The following PIEZO2 variants were observed in gnomAD, a reference collection of about 807,000 sequenced individuals.
PIEZO2 encodes the protein piezo type mechanosensitive ion channel component 2.
Under a neutral mutation model 337.3 loss-of-function variants are expected in PIEZO2, and 172 were observed. That is an observed-to-expected ratio of 0.51 (90% CI 0.45 to 0.58). The LOEUF (loss-of-function observed/expected upper bound fraction) is 0.58. PIEZO2 is among the 20% of genes least tolerant of loss of function. The probability of loss-of-function intolerance (pLI) is 0.00; values close to 1 mark genes in which losing one functional copy is unlikely to be tolerated. For missense variants in PIEZO2, 3,028 were observed against 3,391.3 expected (o/e 0.89, Z 2.66); for synonymous variants, 1,251 against 1,228.5 (o/e 1.02, Z -0.38).
At position 10,898,453 on chromosome 18, in the gene PIEZO2, T is replaced by G. The variant is rs376240666; in HGVS notation, c.329+12733A>C. Among the ~76,000 whole-genome samples, 38 of 150,678 alleles carry G rather than the reference T, an allele frequency of 2.5e-4. No individual in the cohort carries two copies. The East Asian group carries it at 2.5e-3, about 10-fold the overall frequency. Reference sequence around the variant, plus strand: ...AAAAGGAAATAGGAGAAAGAAAGTGTGGGATGAAGTCAGACTGCAACCATA... The same window carrying G: ...AAAAGGAAATAGGAGAAAGAAAGTGGGGGATGAAGTCAGACTGCAACCATA... On this transcript the variant is annotated intron_variant, in intron 4 of 55. Coordinates refer to ENST00000674853, the MANE Select transcript of PIEZO2 (RefSeq NM_001378183.1).
chr18:10,857,591 A>G (rs2041742501), intron 5 of PIEZO2, among the ~76,000 whole-genome samples: 1 of 152,224 alleles, frequency 6.6e-6, no homozygotes, highest in Non-Finnish European at 1.5e-5. Context: ...GAAGTTTGAT[A>G]AAACTATCCA....
rs1023530912 is a variant in PIEZO2, at chr18:10,942,544, G to A, written c.287-31316C>T. 9.9e-5 allele frequency among the ~76,000 whole-genome samples: 15 copies of A among 152,098 alleles called. No homozygotes were observed. Among genetic ancestry groups the A allele is most frequent in the African/African-American group, 1.4e-4 (6 of 41,410 alleles). On this transcript the variant is annotated intron_variant, in intron 3 of 55. Transcript: ENST00000674853. This position sits in a 1 kb window ranked among gnomAD's most constrained non-coding sequence, Gnocchi z 4.4. ...AGAGAGATGATTTAGGGTATCTGGC[G>A]GAAGAAATTTCTAAGCAACAAAGTA...
chr18:10,719,439 G>C (rs1321850591), intron 36 of PIEZO2, among the ~76,000 whole-genome samples: 1 of 152,172 alleles, frequency 6.6e-6, no homozygotes, highest in East Asian at 1.9e-4. Flanking sequence ...CCACTGATAA[G>C]TGAGAACATG....
At chr18:11,008,370 C>T (rs548074115) in intron 2 of PIEZO2, among the ~76,000 whole-genome samples, 1 of 152,248 alleles carries the variant, frequency 6.6e-6, no homozygotes, top group South Asian at 2.1e-4. Context: ...AAAGCAAATC[C>T]CAAACATATG....
At position 10,783,247 on chromosome 18, in the gene PIEZO2, G is replaced by A. The variant is rs1277501771; in HGVS notation, c.2492+1537C>T. 6.6e-6 allele frequency among the ~76,000 whole-genome samples: 1 copy of A among 151,982 alleles called. No individual in the cohort carries two copies. Among genetic ancestry groups the A allele is most frequent in the South Asian group, 2.1e-4 (1 of 4,810 alleles). On this transcript the variant is annotated intron_variant, in intron 17 of 55. Coordinates refer to ENST00000674853, the MANE Select transcript of PIEZO2 (RefSeq NM_001378183.1). The surrounding 1 kb of genome is among the most constrained non-coding windows in gnomAD (Gnocchi z 4.3). ...CTAACTAAAATACTTTGTAATTATTGAATAGGGCCCTTGAAAAGAATGGTG... is the reference window on the plus strand; with the variant it reads ...CTAACTAAAATACTTTGTAATTATTAAATAGGGCCCTTGAAAAGAATGGTG...
In PIEZO2 at chr18:10,846,406, G is replaced by A. The variant is rs192714412; in HGVS notation, c.917+8947C>T. ...GGGATGAGATTTGGGTGGGGTCATA[G>A]CAAAACCTATCACTTAGAGTTCAAG... On this transcript the variant is annotated intron_variant, in intron 7 of 55. Coordinates refer to ENST00000674853, the MANE Select transcript of PIEZO2 (RefSeq NM_001378183.1). The surrounding 1 kb of genome is among the most constrained non-coding windows in gnomAD (Gnocchi z 4.1). 9.2e-5 allele frequency among the ~76,000 whole-genome samples: 14 copies of A among 152,272 alleles called. No individual in the cohort carries two copies. In the East Asian group the frequency reaches 2.5e-3, roughly 27 times the overall value.
At chr18:11,066,331 T>C in intron 1 of PIEZO2, 109 bp from the exon 2 acceptor site, 1 of 720,400 alleles carries the variant, frequency 1.4e-6, no homozygotes. Context: ...GATCAAACAG[T>C]GTCACTTCCT....
chr18:10,761,088 G>T lies in PIEZO2; in HGVS notation c.3273C>A (p.Ile1091=), dbSNP rs372255601. The T allele has an allele frequency of 1.2e-5, 19 of 1,537,056 alleles. No individual in the cohort carries two copies. The highest frequency in any genetic ancestry group is 1.6e-5 in the Non-Finnish European group (18 of 1,146,880). ...GGTAAATGGTGACTTCAAAGGCCAG[G>T]ATAGCCAGCATCAGGAGGTTATTCT... is the stretch of plus-strand genomic sequence containing the variant. ...YLRNNLLMLA[I]LAFEVTIYRH... The change falls in exon 24 of 56, where the codon ATC becomes ATA. Residue 1091 remains isoleucine (I), a synonymous_variant. Transcript: ENST00000674853.
At chr18:11,059,372 C>T (rs925827445) in intron 2 of PIEZO2, among the ~76,000 whole-genome samples, 8 of 152,166 alleles carry the variant, frequency 5.3e-5, no homozygotes, top group African/African-American at 1.9e-4. Flanking sequence ...AACCAGCTAA[C>T]ATCATAATGA....
chr18:11,046,181 T>A (rs981433556), intron 2 of PIEZO2, among the ~76,000 whole-genome samples: 1 of 152,248 alleles, frequency 6.6e-6, no homozygotes, highest in African/African-American at 2.4e-5. Flanking sequence ...CCCTGCTGCA[T>A]GTGCGTGGGC....
intron 1 of PIEZO2, among the ~76,000 whole-genome samples, chr18:11,074,000 C>A (rs1430147796): frequency 6.6e-6 from 1 of 152,070 alleles, no homozygotes; most frequent in Non-Finnish European, 1.5e-5. Flanking sequence ...GCGCATGCCA[C>A]CATGCCCGGC....
At chr18:10,907,488 T>C (rs568576550) in intron 4 of PIEZO2, among the ~76,000 whole-genome samples, 1 of 151,332 alleles carries the variant, frequency 6.6e-6, no homozygotes, top group Non-Finnish European at 1.5e-5. Context: ...CATGTTGAGA[T>C]GAAAGCACTG....
At chr18:10,780,202 C>A in intron 18 of PIEZO2, 123 bp downstream of exon 18, 1 of 657,774 alleles carries the variant, frequency 1.5e-6, no homozygotes. Context: ...CATCCATGAG[C>A]ATACCTGAAG....
chr18:10,800,502 A>G (rs1353287712), intron 10 of PIEZO2, 27 bp from the exon 11 acceptor site: 1 of 1,515,744 alleles, frequency 6.6e-7, no homozygotes, highest in Non-Finnish European at 8.8e-7. Context: ...GAAAGGGACA[A>G]CTGTTACAGC....
rs2034082648 is a variant in PIEZO2 at position 10,677,864 on chromosome 18, A to C, written c.7964T>G (p.Leu2655Arg). The C allele has an allele frequency of 6.3e-7, 1 of 1,581,708 alleles. No homozygotes were observed. The highest frequency in any genetic ancestry group is 8.5e-7 in the Non-Finnish European group (1 of 1,171,486). The change falls in exon 53 of 56, where the codon CTG (leucine) becomes CGG (arginine). Residue 2655 changes from leucine (L) to arginine (R), a missense_variant. By Grantham distance (102) the Leu-to-Arg change is moderately radical. Coordinates refer to ENST00000674853, the MANE Select transcript of PIEZO2 (RefSeq NM_001378183.1). This position sits in a 1 kb window ranked among gnomAD's most constrained non-coding sequence, Gnocchi z 4.1. ...TGTTGCTATTTCCGATTTTGCACCC[A>C]GACTTAAGTTTCTGTGAAGAAAAAA... Reference protein sequence around the residue: ...FSWSIQRNLSLGAKSEIATDK... With the variant: ...FSWSIQRNLSRGAKSEIATDK...
chr18:10,690,562 G>A (rs1035884925), intron 48 of PIEZO2, among the ~76,000 whole-genome samples: 2 of 152,120 alleles, frequency 1.3e-5, no homozygotes, highest in Non-Finnish European at 2.9e-5. Flanking sequence ...TATGAAACAC[G>A]ACCCCACACA....
At position 10,945,653 on chromosome 18, in the gene PIEZO2, G is replaced by T. The variant is rs458781; in HGVS notation, c.286+33882C>A. On this transcript the variant is annotated intron_variant, in intron 3 of 55. Transcript: ENST00000674853. The surrounding 1 kb of genome is among the most constrained non-coding windows in gnomAD (Gnocchi z 4.0). ...ACAAGCTAGGTATCCAATAAAAAAT[G>T]ACCACATATATAAAGAAGCAGAAAA... Among the ~76,000 whole-genome samples, 88,279 of 151,948 alleles carry T rather than the reference G, an allele frequency of 0.58. 26,070 individuals carry two copies. Among genetic ancestry groups the T allele is most frequent in the African/African-American group, 0.65 (27,092 of 41,452 alleles).
intron 5 of PIEZO2, among the ~76,000 whole-genome samples, chr18:10,869,144 T>G (rs2042078259): frequency 6.6e-6 from 1 of 152,216 alleles, no homozygotes; most frequent in Admixed American, 6.5e-5. Flanking sequence ...GCAGGTGCTT[T>G]TTATTAGAAA....
chr18:11,091,595 T>A (rs1229994810), intron 1 of PIEZO2, among the ~76,000 whole-genome samples: 1 of 152,150 alleles, frequency 6.6e-6, no homozygotes, highest in African/African-American at 2.4e-5. Flanking sequence ...TGATTCTGGC[T>A]CTGTTATCTC....
Sources: allele counts gnomAD v4.1 joint callset (sites outside exome capture counted in the v4.1 genomes callset), GRCh38; gene constraint gnomAD v4.1.1; non-coding constraint Gnocchi (gnomAD v3.1); transcripts MANE v1.5; gene names NCBI Gene and HGNC (gene_info 2026-07-23, HGNC 2026-07-21).